Variants in COQ9 observed in about 807,000 individuals in gnomAD.
COQ9 encodes coenzyme Q9.
COQ9 carries 35 observed loss-of-function variants against 42.4 expected under a neutral mutation model. The ratio of observed to expected loss-of-function variants is 0.83; its 90% confidence interval spans 0.63 to 1.10. The LOEUF is 1.10. Among genes scored for constraint, COQ9 ranks in the 50% least tolerant of loss-of-function variants. COQ9 has a pLI of 0.00. For synonymous variants in COQ9, 155 were observed against 155.1 expected (o/e 1.00, Z 0.00); for missense variants, 406 against 414.6 (o/e 0.98, Z 0.18).
At chr16:57,458,165 A>G (rs1395772695) in intron 5 of COQ9, 81 bp from the exon 6 acceptor site, 18 of 1,054,040 alleles carry the variant, frequency 1.7e-5, no homozygotes, top group Non-Finnish European at 2.4e-5. Flanking sequence ...CCCCTCATAC[A>G]CCTCTTGGAG....
At chr16:57,447,616 C>T in intron 1 of COQ9, 38 bp downstream of exon 1, 1 of 1,236,786 alleles carries the variant, frequency 8.1e-7, no homozygotes, top group Non-Finnish European at 1.0e-6. Flanking sequence ...GCGGGGAGCG[C>T]GGAGGGGGCG....
At chr16:57,450,723 G>T in intron 1 of COQ9, 1 of 413,238 alleles carries the variant, frequency 2.4e-6, no homozygotes, top group South Asian at 2.2e-5. Flanking sequence ...TGAGCAAGTA[G>T]AGATTATTAC....
chr16:57,447,533 C>G lies in COQ9; in HGVS notation c.28C>G (p.Leu10Val). 4.6e-6 allele frequency: 6 copies of G among 1,309,570 alleles called. No individual in the cohort carries two copies. Among genetic ancestry groups the G allele is most frequent in the Admixed American group, 6.9e-5 (2 of 28,878 alleles). 81.1% of individuals were successfully genotyped at this position (1,309,570 alleles called of 1,614,324 possible). ...GGCGGCGGCGGCGGTATCTGGTGCG[C>G]TTGGCCGGGCGGGCTGGAGGCTCCT... The part of the protein sequence containing the change: MAAAAVSGA[L>V]GRAGWRLLQL... Residue 10 changes from leucine (L) to valine (V), a missense_variant, in exon 1 of 9, where the codon CTT becomes GTT. By Grantham distance (32) the Leu-to-Val change is conservative. Transcript: ENST00000262507.
At chr16:57,451,741 A>G (rs1298899547) in intron 2 of COQ9, among the ~76,000 whole-genome samples, 1 of 152,240 alleles carries the variant, frequency 6.6e-6, no homozygotes, top group East Asian at 1.9e-4. Flanking sequence ...TACATTTGTA[A>G]TGTCTTTTCA....
At chr16:57,450,768 G>A (rs892169036) in intron 1 of COQ9, 24 of 522,520 alleles carry the variant, frequency 4.6e-5, no homozygotes, top group Non-Finnish European at 6.9e-5. Context: ...TGCACATTGG[G>A]GTGAAATTGT....
At chr16:57,458,666 G>A (rs1002150901) in intron 6 of COQ9, among the ~76,000 whole-genome samples, 1 of 152,160 alleles carries the variant, frequency 6.6e-6, no homozygotes, top group Non-Finnish European at 1.5e-5. Context: ...CTCCTAAGAT[G>A]TAGATTCTGC....
chr16:57,458,107 C>T (rs72788042), intron 5 of COQ9, 139 bp from the exon 6 acceptor site: 27 of 707,270 alleles, frequency 3.8e-5, no homozygotes, highest in Middle Eastern at 2.8e-4. Context: ...CCACAACTCA[C>T]GCCAGTGGGT....
intron 2 of COQ9, 152 bp downstream of exon 2, chr16:57,451,360 T>A (rs1373945656): frequency 1.2e-6 from 1 of 855,466 alleles, no homozygotes; most frequent in Non-Finnish European, 1.9e-6. Context: ...TTTGTAGTGA[T>A]GGCTTCTCGC....
rs1167755405 is a variant in COQ9 at position 57,452,731 on chromosome 16, C to G, written c.243-70C>G. 8 of 1,555,952 alleles carry G rather than the reference C, an allele frequency of 5.1e-6. No homozygotes were observed. In the African/African-American group the frequency reaches 1.1e-4, roughly 21 times the overall value. On this transcript the variant is annotated intron_variant, in intron 2 of 8. Coordinates refer to ENST00000262507, the MANE Select transcript of COQ9 (RefSeq NM_020312.4). ...TGTGCTTAGAGGAGATCCAGAGCCC[C>G]TAGTTTCTGGTCATGCCCATTGTAC... is the stretch of plus-strand genomic sequence containing the variant.
rs2030153367 is a variant in COQ9 at position 57,447,571 on chromosome 16, C to T, written c.66C>T (p.Cys22=). The stretch of plus-strand genomic sequence containing the variant: ...GCTGGAGGCTCCTGCAGCTGCGATG[C>T]CTGCCCGGTGAGGGGGCTGCCAAGC... ...RAGWRLLQLR[C]LPVARCRQAL... Residue 22 remains cysteine (C), a synonymous_variant, in exon 1 of 9, where the codon TGC becomes TGT. Transcript: ENST00000262507. 7.0e-6 allele frequency: 9 copies of T among 1,279,234 alleles called. No individual in the cohort carries two copies. The highest frequency in any genetic ancestry group is 8.9e-6 in the Non-Finnish European group (9 of 1,008,956). 79.2% of individuals were successfully genotyped at this position (1,279,234 alleles called of 1,614,324 possible). A position where few individuals can be genotyped will look rare whatever the true frequency, so the allele number is the denominator to read the frequency against.
In COQ9 at chr16:57,458,318, A is replaced by T. The variant is rs748648629; in HGVS notation, c.679A>T (p.Met227Leu). The change falls in exon 6 of 9, where the codon ATG (methionine) becomes TTG (leucine). Residue 227 changes from methionine to leucine, a missense_variant. Transcript: ENST00000262507. Reference protein sequence around the residue: ...LSLLTSMVDDMWHYAGDQSTD... With the variant: ...LSLLTSMVDDLWHYAGDQSTD... ...CCTGCTCACCAGCATGGTGGATGAC[A>T]TGTGGCATTACGCTGGGGACCAGTC... 2 of 1,613,098 alleles carry T rather than the reference A, an allele frequency of 1.2e-6. No individual in the cohort carries two copies. The highest frequency in any genetic ancestry group is 1.7e-6 in the Non-Finnish European group (2 of 1,179,522).
intron 7 of COQ9, 68 bp from the exon 8 acceptor site, chr16:57,459,983 T>A (rs2030495128): frequency 1.3e-6 from 2 of 1,493,682 alleles, no homozygotes; most frequent in East Asian, 4.5e-5. Context: ...CCTCCTGATT[T>A]GTCCTGCCTG....
chr16:57,460,538 T>C, intron 8 of COQ9, 51 bp from the exon 9 acceptor site: 1 of 1,572,070 alleles, frequency 6.4e-7, no homozygotes, highest in East Asian at 2.2e-5. Context: ...TATTAGAGTC[T>C]AGAGGCAAGG....
chr16:57,460,703 AT>A lies in COQ9; in HGVS notation c.*80del. 7.2e-7 allele frequency: 1 copy of A among 1,379,550 alleles called. No individual in the cohort carries two copies. Among genetic ancestry groups the A allele is most frequent in the Non-Finnish European group, 1.0e-6 (1 of 970,336 alleles). 85.5% of individuals were successfully genotyped at this position (1,379,550 alleles called of 1,614,324 possible). On this transcript the variant is annotated 3_prime_UTR_variant, in exon 9 of 9. Transcript: ENST00000262507. ...AGAGCTTTGAAAAGTATAAGGTGCCATCCACATAACCTGGTGTTCACGAGAA... is the reference window on the plus strand; with the variant it reads ...AGAGCTTTGAAAAGTATAAGGTGCCACCACATAACCTGGTGTTCACGAGAA...
rs1254815498 is a variant in COQ9, at chr16:57,461,137, C to T, written c.*513C>T. The T allele has an allele frequency of 2.2e-6, 1 of 455,556 alleles. No individual in the cohort carries two copies. Among genetic ancestry groups the T allele is most frequent in the Admixed American group, 2.3e-5 (1 of 42,558 alleles). The allele number at this position is 455,556 out of a possible 1,614,324, so 28.2% of individuals were successfully genotyped here. On this transcript the variant is annotated 3_prime_UTR_variant, in exon 9 of 9. Coordinates refer to ENST00000262507, the MANE Select transcript of COQ9 (RefSeq NM_020312.4). ...TGTTCCTGGGAGCCCCCTCAGAAAA[C>T]TGCCTCACCTGAGACAAGTGCCTGC...
rs1310653116 is a variant in COQ9 at position 57,451,044 on chromosome 16, C to G, written c.78C>G (p.Ala26=). 2 of 1,613,926 alleles carry G rather than the reference C, an allele frequency of 1.2e-6. No individual in the cohort carries two copies. The highest frequency in any genetic ancestry group is 4.5e-5 in the East Asian group (2 of 44,882). Residue 26 remains alanine, a synonymous_variant, in exon 2 of 9, where the codon GCC becomes GCG. Transcript: ENST00000262507. ...RLLQLRCLPV[A]RCRQALVPRA... ...ACTGACCAGTTTCTGTTTCAGTGGC[C>G]CGTTGCCGACAAGCCCTGGTGCCGC...
rs1456743261 is a variant in COQ9, at chr16:57,459,728, G to A, written c.867+8G>A. ...GGCCACACTGCCAAGCAGGTAGGTG[G>A]GGACTAGCCATTGGGGAACCCTCTT... On this transcript the variant is annotated splice_region_variant and intron_variant, in intron 7 of 8. Transcript: ENST00000262507. 1 of 1,613,976 alleles carries A rather than the reference G, an allele frequency of 6.2e-7. No individual in the cohort carries two copies. The highest frequency in any genetic ancestry group is 2.2e-5 in the East Asian group (1 of 44,882).
At position 57,459,681 on chromosome 16, in the gene COQ9, G is replaced by A; in HGVS notation, c.828G>A (p.Arg276=). 6.2e-7 allele frequency: 1 copy of A among 1,614,180 alleles called. No homozygotes were observed. The highest frequency in any genetic ancestry group is 8.5e-7 in the Non-Finnish European group (1 of 1,180,034). Residue 276 remains arginine (R), a synonymous_variant, in exon 7 of 9, where the codon CGG becomes CGA. Coordinates refer to ENST00000262507, the MANE Select transcript of COQ9 (RefSeq NM_020312.4). ...FEDTWRFLEN[R]VNDAMNMGHT... ...ACACTTGGCGCTTCCTGGAAAACCG[G>A]GTTAATGATGCAATGAACATGGGCC...
In COQ9 at chr16:57,456,704, C is replaced by T. The variant is rs2030411797; in HGVS notation, c.521+58C>T. 4 of 1,583,514 alleles carry T rather than the reference C, an allele frequency of 2.5e-6. No individual in the cohort carries two copies. In the South Asian group the frequency reaches 4.5e-5, roughly 18 times the overall value. On this transcript the variant is annotated intron_variant, in intron 4 of 8. Coordinates refer to ENST00000262507, the MANE Select transcript of COQ9 (RefSeq NM_020312.4). Reference sequence around the variant, plus strand: ...AGCTAAGGATCAGGGAACTTGGGCCCTACCAGCTATGCCCAGGAGGCCAAT... The same window carrying T: ...AGCTAAGGATCAGGGAACTTGGGCCTTACCAGCTATGCCCAGGAGGCCAAT...
Sources: allele counts gnomAD v4.1 joint callset (sites outside exome capture counted in the v4.1 genomes callset), GRCh38; gene constraint gnomAD v4.1.1; transcripts MANE v1.5; gene names NCBI Gene and HGNC (gene_info 2026-07-23, HGNC 2026-07-21).